Variants in AKT2 observed in about 807,000 individuals in gnomAD.
AKT2 encodes the protein RAC-beta serine/threonine-protein kinase.
A neutral mutation model predicts 58.6 loss-of-function variants in AKT2; 16 were observed. The ratio of observed to expected loss-of-function variants is 0.27; its 90% CI spans 0.18 to 0.41. The LOEUF (loss-of-function observed/expected upper bound fraction) is 0.41, where lower values mean the gene tolerates loss of function less well. Among genes scored for constraint, AKT2 ranks in the 10% least tolerant of loss-of-function variants. The pLI is 1.00. For synonymous variants in AKT2, 253 were observed against 254.0 expected, an observed-to-expected ratio of 1.00 and a Z score of 0.04; for missense variants, 438 against 661.0, an observed-to-expected ratio of 0.66 and a Z score of 3.70.
chr19:40,265,846 C>A (rs1976311538), intron 1 of AKT2, among the ~76,000 whole-genome samples: 1 of 152,154 alleles, frequency 6.6e-6, no homozygotes, highest in Admixed American at 6.6e-5. Context: ...CTTTCCAAAC[C>A]AGGAAGCCAC....
intron 4 of AKT2, among the ~76,000 whole-genome samples, chr19:40,253,828 A>C (rs1035876560): frequency 3.3e-5 from 5 of 152,088 alleles, no homozygotes; most frequent in African/African-American, 1.2e-4. Flanking sequence ...CGGCTAAATA[A>C]ACACACTTGG....
At chr19:40,241,540 C>T (rs564537051) in intron 6 of AKT2, 171 of 277,450 alleles carry the variant, frequency 6.2e-4, no homozygotes, top group Admixed American at 1.1e-3. Context: ...TCTTTGGAAT[C>T]TTCCACTACA....
Position 40,284,916 on chromosome 19 carries a change from A to G in AKT2, c.-85+265T>C, listed in dbSNP as rs897634998. On this transcript the variant is annotated intron_variant, in intron 1 of 13. Transcript: ENST00000392038. ...GAAAGGTCCAGCCCCCGGCCCGCGC[A>G]CGCTGCGGCCTGCGCTCCCCGTCCC... 2.4e-5 allele frequency: 7 copies of G among 291,320 alleles called. No individual in the cohort carries two copies. The East Asian group carries it at 4.0e-4, about 17-fold the overall frequency. 18.0% of individuals were successfully genotyped at this position (291,320 alleles called of 1,614,324 possible).
At position 40,265,478 on chromosome 19, in the gene AKT2, G is replaced by A. The variant is rs148217904; in HGVS notation, c.-84-127C>T. The A allele has an allele frequency of 4.7e-4, 612 of 1,295,720 alleles. 2 individuals carry two copies. The African/African-American group carries it at 8.0e-3, about 17-fold the overall frequency. 80.3% of individuals were successfully genotyped at this position (1,295,720 alleles called of 1,614,324 possible). Reference sequence around the variant, plus strand: ...TCAGCAAAGGGTAAGGCCAGCAAGGGTGGCGTGGAGCCCGCTCTCAAGGAC... The same window carrying A: ...TCAGCAAAGGGTAAGGCCAGCAAGGATGGCGTGGAGCCCGCTCTCAAGGAC... On this transcript the variant is annotated intron_variant, in intron 1 of 13. Transcript: ENST00000392038.
chr19:40,281,897 G>A (rs1039673422), intron 1 of AKT2, among the ~76,000 whole-genome samples: 2 of 152,184 alleles, frequency 1.3e-5, no homozygotes, highest in African/African-American at 4.8e-5. Context: ...AATCCACTCA[G>A]CCTTCACAAT....
chr19:40,235,048 G>T lies in AKT2; in HGVS notation c.1363C>A (p.Arg455Ser), dbSNP rs757239082. Residue 455 changes from arginine to serine, a missense_variant, in exon 13 of 14, where the codon CGC becomes AGC. Transcript: ENST00000392038. The surrounding 1 kb of genome is among the most constrained non-coding windows in gnomAD (Gnocchi z 6.3). ...CGCGGGGGCCCCAGGCACTCACAGC[G>T]GTCAGGGGGTGTGATTGTGATGGAC... ...AQSITITPPDRYDSLGLLELD... is the reference protein window; with the variant it reads ...AQSITITPPDSYDSLGLLELD... 2 of 1,614,008 alleles carry T rather than the reference G, an allele frequency of 1.2e-6. No individual in the cohort carries two copies. The highest frequency in any genetic ancestry group is 1.7e-6 in the Non-Finnish European group (2 of 1,179,854).
At position 40,236,390 on chromosome 19, in the gene AKT2, T is replaced by A. The variant is rs751171481; in HGVS notation, c.832-5A>T. 2 of 1,613,998 alleles carry A rather than the reference T, an allele frequency of 1.2e-6. No homozygotes were observed. The highest frequency in any genetic ancestry group is 2.7e-5 in the African/African-American group (2 of 74,930). ...GTCCAGCATGAGGTTTTCCAGCTGT[T>A]GGAAAAGTCAACGGATCTCAGGTGC... On this transcript the variant is annotated splice_polypyrimidine_tract_variant and splice_region_variant and intron_variant, in intron 9 of 13. Coordinates refer to ENST00000392038, the MANE Select transcript of AKT2 (RefSeq NM_001626.6).
At chr19:40,261,923 G>A (rs1373479084) in intron 2 of AKT2, among the ~76,000 whole-genome samples, 1 of 149,398 alleles carries the variant, frequency 6.7e-6, no homozygotes, top group Non-Finnish European at 1.5e-5. Flanking sequence ...TTTTTTAAAG[G>A]ATAAAAACTA....
At chr19:40,257,154 G>A in intron 2 of AKT2, 100 bp from the exon 3 acceptor site, 1 of 1,475,952 alleles carries the variant, frequency 6.8e-7, no homozygotes, top group East Asian at 2.3e-5. Context: ...CTCACAAGGG[G>A]TACCACGGGG....
rs769900518 is a variant in AKT2 at position 40,236,060 on chromosome 19, C to T, written c.1005G>A (p.Gly335=). 5.6e-6 allele frequency: 9 copies of T among 1,613,984 alleles called. No individual in the cohort carries two copies. The highest frequency in any genetic ancestry group is 2.7e-5 in the African/African-American group (2 of 74,934). Residue 335 remains glycine, a synonymous_variant, in exon 11 of 14, where the codon GGG becomes GGA. Coordinates refer to ENST00000392038, the MANE Select transcript of AKT2 (RefSeq NM_001626.6). ...TCATCTCGTACATGACCACACCCAG[C>T]CCCCACCAGTCCACGGCCCGGCCAT... ...NDYGRAVDWW[G]LGVVMYEMMC...
chr19:40,233,357 T>C lies in AKT2; in HGVS notation c.*515A>G, dbSNP rs947631462. 7 of 409,774 alleles carry C rather than the reference T, an allele frequency of 1.7e-5. No individual in the cohort carries two copies. In the East Asian group the frequency reaches 1.7e-4, roughly 10 times the overall value. 25.4% of individuals were successfully genotyped at this position (409,774 alleles called of 1,614,324 possible). The stretch of plus-strand genomic sequence containing the variant: ...GCCTGCCCCTGGACATTATTGCTTT[T>C]CTGCCCCCATAGGGGGACAGCGGGT... On this transcript the variant is annotated 3_prime_UTR_variant, in exon 14 of 14. Coordinates refer to ENST00000392038, the MANE Select transcript of AKT2 (RefSeq NM_001626.6). The surrounding 1 kb of genome is among the most constrained non-coding windows in gnomAD (Gnocchi z 4.3).
chr19:40,235,210 C>G lies in AKT2; in HGVS notation c.1263+53G>C. ...GCCAGGAGGCCTCAACCAAGGTCACCACGAGTGGGCCAGGTCCCTGAGGGT... is the reference window on the plus strand; with the variant it reads ...GCCAGGAGGCCTCAACCAAGGTCACGACGAGTGGGCCAGGTCCCTGAGGGT... On this transcript the variant is annotated intron_variant, in intron 12 of 13. Coordinates refer to ENST00000392038, the MANE Select transcript of AKT2 (RefSeq NM_001626.6). The surrounding 1 kb of genome is among the most constrained non-coding windows in gnomAD (Gnocchi z 6.3). 6.2e-7 allele frequency: 1 copy of G among 1,613,682 alleles called. No homozygotes were observed. Among genetic ancestry groups the G allele is most frequent in the Non-Finnish European group, 8.5e-7 (1 of 1,179,704 alleles).
At position 40,238,923 on chromosome 19, in the gene AKT2, C is replaced by T. The variant is rs757574675; in HGVS notation, c.690G>A (p.Glu230=). 5.6e-6 allele frequency: 9 copies of T among 1,614,136 alleles called. No individual in the cohort carries two copies. The East Asian group carries it at 6.7e-5, about 12-fold the overall frequency. The change falls in exon 8 of 14, where the codon GAG becomes GAA. Residue 230 remains glutamate, a synonymous_variant. Coordinates refer to ENST00000392038, the MANE Select transcript of AKT2 (RefSeq NM_001626.6). This position sits in a 1 kb window ranked among gnomAD's most constrained non-coding sequence, Gnocchi z 5.1. Reference sequence around the variant, plus strand: ...GGCTCACCTCACCCCCGTTGGCATACTCCATCACAAAGCACAGGCGGTCGT... The same window carrying T: ...GGCTCACCTCACCCCCGTTGGCATATTCCATCACAAAGCACAGGCGGTCGT... The part of the protein sequence containing the change: ...QTHDRLCFVM[E]YANGGELFFH...
chr19:40,270,446 T>A (rs1976627039), intron 1 of AKT2: 1 of 152,262 alleles, frequency 6.6e-6, no homozygotes, highest in African/African-American at 2.4e-5. Flanking sequence ...TAAGCTCAAT[T>A]CCTTTCCTTG....
At chr19:40,264,896 G>C (rs1976234034) in intron 2 of AKT2, among the ~76,000 whole-genome samples, 1 of 152,204 alleles carries the variant, frequency 6.6e-6, no homozygotes, top group African/African-American at 2.4e-5. Context: ...CACAGTCAAT[G>C]AATACTTGCT....
rs564931994 is a variant in AKT2, at chr19:40,283,525, C to G, written c.-85+1656G>C. 2.6e-5 allele frequency among the ~76,000 whole-genome samples: 4 copies of G among 152,372 alleles called. No individual in the cohort carries two copies. In the East Asian group the frequency reaches 7.7e-4, roughly 29 times the overall value. ...ACTGCTGCGGACTAGGGGCAACCAT[C>G]TGCCCCCTCTGACCACATCACCAGC... On this transcript the variant is annotated intron_variant, in intron 1 of 13. Transcript: ENST00000392038.
At chr19:40,256,902 T>C in intron 3 of AKT2, 24 bp downstream of exon 3, 2 of 1,613,814 alleles carry the variant, frequency 1.2e-6, no homozygotes, top group Non-Finnish European at 1.7e-6. Context: ...ACCAGAACAC[T>C]GACCCACTCA....
chr19:40,245,081 C>T (rs1039048493), intron 4 of AKT2, among the ~76,000 whole-genome samples: 4 of 152,342 alleles, frequency 2.6e-5, no homozygotes, highest in African/African-American at 4.8e-5. Context: ...CCAATGACAG[C>T]GCCTTCGATT....
intron 9 of AKT2, 172 bp from the exon 10 acceptor site, chr19:40,236,557 A>C: frequency 3.7e-6 from 3 of 811,280 alleles, no homozygotes; most frequent in East Asian, 5.5e-5. Context: ...GCCAGATCCA[A>C]CCCTCCTCAC....
Sources: allele counts gnomAD v4.1 joint callset (sites outside exome capture counted in the v4.1 genomes callset), GRCh38; gene constraint gnomAD v4.1.1; non-coding constraint Gnocchi (gnomAD v3.1); transcripts MANE v1.5; gene names NCBI Gene and HGNC (gene_info 2026-07-23, HGNC 2026-07-21).